The following TRPC4 variants were observed in gnomAD, a reference collection of about 807,000 sequenced individuals.
TRPC4 encodes the protein transient receptor potential cation channel subfamily C member 4.
Under a neutral mutation model 99.4 loss-of-function variants are expected in TRPC4, and 49 were observed. The ratio of observed to expected loss-of-function variants is 0.49; its 90% CI spans 0.39 to 0.63. TRPC4 has a LOEUF of 0.63. TRPC4 is among the 20% of genes least tolerant of loss of function. The probability of loss-of-function intolerance (pLI) is 0.00; values close to 1 mark genes in which losing one functional copy is unlikely to be tolerated. For synonymous variants in TRPC4, 454 were observed against 425.9 expected, an observed-to-expected ratio of 1.07 and a Z score of -0.81; for missense variants, 898 against 1,152.9, an observed-to-expected ratio of 0.78 and a Z score of 3.20.
At chr13:37,746,578 T>C in intron 2 of TRPC4, 123 bp from the exon 3 acceptor site, 1 of 1,140,130 alleles carries the variant, frequency 8.8e-7, no homozygotes, top group Non-Finnish European at 1.2e-6. Flanking sequence ...TTTTTTTTTT[T>C]TTGTAGGAGA....
chr13:37,840,235 TG>T (rs1367533205), intron 1 of TRPC4, among the ~76,000 whole-genome samples: 1 of 152,100 alleles, frequency 6.6e-6, no homozygotes, highest in African/African-American at 2.4e-5. Flanking sequence ...TTTCAGCCAA[TG>T]GGCTGTAGAA....
chr13:37,798,931 AT>A (rs1427683120), intron 1 of TRPC4, among the ~76,000 whole-genome samples: 1 of 83,824 alleles, frequency 1.2e-5, no homozygotes, highest in Non-Finnish European at 2.2e-5. Flanking sequence ...AAGGGAGGTA[AT>A]CTTTTTTTTT....
intron 2 of TRPC4, among the ~76,000 whole-genome samples, chr13:37,752,360 T>C (rs1283568921): frequency 6.6e-6 from 1 of 151,828 alleles, no homozygotes; most frequent in East Asian, 1.9e-4. Context: ...ATAGTTGGTA[T>C]TCCACACATG....
At chr13:37,701,597 G>A (rs906253544) in intron 3 of TRPC4, among the ~76,000 whole-genome samples, 2 of 151,954 alleles carry the variant, frequency 1.3e-5, no homozygotes, top group African/African-American at 4.8e-5. Flanking sequence ...CTAGCTTCCT[G>A]AGAAAATGCA....
chr13:37,637,369 AG>A lies in TRPC4; in HGVS notation c.2467del (p.Leu823TrpfsTer14), dbSNP rs750350718. The A allele has an allele frequency of 6.2e-7, 1 of 1,613,718 alleles. No homozygotes were observed. Among genetic ancestry groups the A allele is most frequent in the South Asian group, 1.1e-5 (1 of 91,072 alleles). Reference protein sequence around the residue: ...ERHNISNGSALVVQEPPREKQ... With the variant: ...ERHNISNGSAXVVQEPPREKQ... ...CTCCCTGGGCGGCTCCTGAACCACC[AG>A]GGCAGAGCCATTGCTTATGTTATGT... On this transcript the variant is annotated frameshift_variant, in exon 11 of 11. Coordinates refer to ENST00000379705, the MANE Select transcript of TRPC4 (RefSeq NM_016179.4). LOFTEE classifies it high-confidence loss of function.
At position 37,650,496 on chromosome 13, in the gene TRPC4, A is replaced by G. The variant is rs562396775; in HGVS notation, c.2079+769T>C. Among the ~76,000 whole-genome samples, 24 of 152,120 alleles carry G rather than the reference A, an allele frequency of 1.6e-4. No homozygotes were observed. In the South Asian group the frequency reaches 5.0e-3, roughly 32 times the overall value. ...GCTTGAAACCCTGATTTCCAAAATG[A>G]TGAAAGGGAAATACCATCTTCCAGT... On this transcript the variant is annotated intron_variant, in intron 8 of 10. Transcript: ENST00000379705.
chr13:37,687,921 G>A (rs761177944), intron 4 of TRPC4, among the ~76,000 whole-genome samples: 1 of 152,208 alleles, frequency 6.6e-6, no homozygotes, highest in Non-Finnish European at 1.5e-5. Flanking sequence ...GGATATTGGT[G>A]TCCATCTGTC....
At chr13:37,810,646 G>C (rs1033387735) in intron 1 of TRPC4, among the ~76,000 whole-genome samples, 9 of 151,968 alleles carry the variant, frequency 5.9e-5, no homozygotes, top group African/African-American at 2.2e-4. Flanking sequence ...TGATTTTAAA[G>C]AATAAGTGAC....
At chr13:37,680,646 T>A (rs1483009737) in intron 4 of TRPC4, among the ~76,000 whole-genome samples, 2 of 152,162 alleles carry the variant, frequency 1.3e-5, no homozygotes, top group Non-Finnish European at 2.9e-5. Flanking sequence ...GGATCTTTGA[T>A]AAGAAAAGCA....
intron 3 of TRPC4, among the ~76,000 whole-genome samples, chr13:37,695,407 G>A (rs1953871773): frequency 6.6e-6 from 1 of 152,158 alleles, no homozygotes; most frequent in Non-Finnish European, 1.5e-5. Context: ...ATTGCCTGCA[G>A]TGTGCTGGGA....
chr13:37,756,162 G>A (rs1293710800), intron 2 of TRPC4, among the ~76,000 whole-genome samples: 1 of 152,038 alleles, frequency 6.6e-6, no homozygotes, highest in African/African-American at 2.4e-5. Context: ...GTGTGTATAT[G>A]TATGTACATG....
At chr13:37,648,087 C>T (rs999285592) in intron 8 of TRPC4, among the ~76,000 whole-genome samples, 1 of 152,056 alleles carries the variant, frequency 6.6e-6, no homozygotes, top group African/African-American at 2.4e-5. Context: ...GGACTACAGG[C>T]ACGTGCCACC....
At chr13:37,727,103 G>A (rs1033975884) in intron 3 of TRPC4, among the ~76,000 whole-genome samples, 1 of 151,978 alleles carries the variant, frequency 6.6e-6, no homozygotes, top group East Asian at 1.9e-4. Flanking sequence ...CATATGCAGA[G>A]CACTCTACCC....
intron 3 of TRPC4, among the ~76,000 whole-genome samples, chr13:37,703,192 G>A (rs1165042986): frequency 6.6e-5 from 10 of 152,212 alleles, no homozygotes; most frequent in Admixed American, 6.5e-4. Context: ...ACGTTCCTAA[G>A]GTTGAATTAT....
At chr13:37,817,039 A>C (rs780816081) in intron 1 of TRPC4, among the ~76,000 whole-genome samples, 40 of 152,216 alleles carry the variant, frequency 2.6e-4, no homozygotes, top group Non-Finnish European at 4.9e-4. Context: ...AGGCAAGAGA[A>C]AGAAATAAAA....
chr13:37,637,181 G>A lies in TRPC4; in HGVS notation c.2656C>T (p.Leu886=). 1 of 1,613,858 alleles carries A rather than the reference G, an allele frequency of 6.2e-7. No individual in the cohort carries two copies. Among genetic ancestry groups the A allele is most frequent in the Non-Finnish European group, 8.5e-7 (1 of 1,179,862 alleles). ...AAGPLERNIQ[L]ESRGLASRGD... Reference sequence around the variant, plus strand: ...CGTGAAGCTAATCCTCGAGATTCCAGTTGAATATTTCTCTCAAGTGGTCCT... The same window carrying A: ...CGTGAAGCTAATCCTCGAGATTCCAATTGAATATTTCTCTCAAGTGGTCCT... Residue 886 remains leucine, a synonymous_variant, in exon 11 of 11, where the codon CTG becomes TTG. Transcript: ENST00000379705.
chr13:37,640,826 A>G (rs923420043), intron 8 of TRPC4, among the ~76,000 whole-genome samples: 1 of 152,176 alleles, frequency 6.6e-6, no homozygotes, highest in Admixed American at 6.5e-5. Flanking sequence ...CATTCTCACC[A>G]TAAATATTAT....
intron 2 of TRPC4, among the ~76,000 whole-genome samples, chr13:37,770,119 C>T (rs1336809438): frequency 1.3e-5 from 2 of 151,016 alleles, no homozygotes; most frequent in Non-Finnish European, 3.0e-5. Context: ...ATATTTTTTC[C>T]TGTTTCATAA....
intron 2 of TRPC4, among the ~76,000 whole-genome samples, chr13:37,782,329 C>A (rs1831800): frequency 0.97 from 147,951 of 152,182 alleles, 72,055 homozygotes; most frequent in Non-Finnish European, 1. Flanking sequence ...TCTGTTGATA[C>A]CTATAAGGTA....
Sources: gnomAD v4.1 joint callset for allele counts (sites outside exome capture counted in the v4.1 genomes callset) on GRCh38, gnomAD v4.1.1 for gene constraint, MANE v1.5 for transcripts, NCBI Gene and HGNC (gene_info 2026-07-23, HGNC 2026-07-21) for gene names.